FGGY: variants seen among roughly 807,000 people sequenced by gnomAD.
The protein encoded by FGGY is FGGY carbohydrate kinase domain containing, also known as FGGY carbohydrate kinase domain-containing protein.
Under a neutral mutation model 71.3 loss-of-function variants are expected in FGGY, and 72 were observed. That is an observed-to-expected ratio of 1.01 (90% CI 0.84 to 1.23). The LOEUF is 1.23. Ranked by LOEUF, FGGY falls within the 50% of genes most tolerant of loss-of-function variation. The probability of loss-of-function intolerance (pLI) is 0.00; values close to 1 mark genes in which losing one functional copy is unlikely to be tolerated. For synonymous variants in FGGY, 251 were observed against 250.3 expected (o/e 1.00, Z -0.02); for missense variants, 668 against 682.3 (o/e 0.98, Z 0.23).
intron 7 of FGGY, among the ~76,000 whole-genome samples, chr1:59,519,269 G>T (rs1328520943): frequency 1.3e-5 from 2 of 151,978 alleles, no homozygotes; most frequent in Non-Finnish European, 2.9e-5. Context: ...AACAAATTTT[G>T]AAAAAGGAAA....
intron 14 of FGGY, among the ~76,000 whole-genome samples, chr1:59,726,740 C>T (rs968251129): frequency 3.9e-5 from 6 of 151,994 alleles, no homozygotes; most frequent in Admixed American, 2.6e-4. Flanking sequence ...CTCTTTTTAT[C>T]TTGATTACCC....
chr1:59,660,157 T>C, intron 11 of FGGY, 62 bp from the exon 12 acceptor site: 3 of 1,428,374 alleles, frequency 2.1e-6, no homozygotes, highest in Non-Finnish European at 3.0e-6. Flanking sequence ...TCATGGGAAC[T>C]ATCTTTATCC....
intron 6 of FGGY, among the ~76,000 whole-genome samples, chr1:59,497,537 G>A (rs1419074732): frequency 1.3e-5 from 2 of 152,166 alleles, no homozygotes; most frequent in African/African-American, 2.4e-5. Context: ...GCAGTAAGCC[G>A]AGATCATGCC....
intron 4 of FGGY, among the ~76,000 whole-genome samples, chr1:59,349,824 A>G (rs1370369568): frequency 6.6e-6 from 1 of 152,120 alleles, no homozygotes; most frequent in Non-Finnish European, 1.5e-5. Flanking sequence ...TCAGACTTCA[A>G]TGTGTAAATG....
intron 5 of FGGY, among the ~76,000 whole-genome samples, chr1:59,411,701 C>T (rs144107489): frequency 1.3e-5 from 2 of 152,172 alleles, no homozygotes; most frequent in South Asian, 2.1e-4. Context: ...TATGTACTTA[C>T]AAATTCTTAT....
intron 8 of FGGY, among the ~76,000 whole-genome samples, chr1:59,605,813 C>G (rs1180394699): frequency 6.6e-6 from 1 of 152,136 alleles, no homozygotes; most frequent in Non-Finnish European, 1.5e-5. Context: ...CTAGTAATCA[C>G]TTCTGTATCC....
At chr1:59,536,106 A>G (rs1303708243) in intron 7 of FGGY, among the ~76,000 whole-genome samples, 3 of 151,758 alleles carry the variant, frequency 2.0e-5, no homozygotes, top group Non-Finnish European at 4.4e-5. Context: ...AAGGAAAAAA[A>G]TAAGAATCAA....
intron 7 of FGGY, among the ~76,000 whole-genome samples, chr1:59,530,697 A>G (rs558984552): frequency 2.2e-4 from 33 of 152,286 alleles, no homozygotes; most frequent in African/African-American, 7.9e-4. Flanking sequence ...AGGGAAGCAG[A>G]GGGAGGTAGT....
intron 5 of FGGY, among the ~76,000 whole-genome samples, chr1:59,448,239 T>A (rs2071779083): frequency 6.6e-6 from 1 of 152,216 alleles, no homozygotes; most frequent in South Asian, 2.1e-4. Context: ...ACAACCATTT[T>A]GTTGGAATTT....
chr1:59,732,554 A>G (rs932228979), intron 14 of FGGY, among the ~76,000 whole-genome samples: 20 of 152,066 alleles, frequency 1.3e-4, no homozygotes, highest in Non-Finnish European at 5.9e-5. Flanking sequence ...AAGTCTGTCT[A>G]TGTTGTGGCA....
rs771392003 is a variant in FGGY, at chr1:59,757,974, C to T, written c.1556C>T (p.Pro519Leu). The change falls in exon 15 of 16, where the codon CCG (proline) becomes CTG (leucine). Residue 519 changes from proline (P) to leucine (L), a missense_variant. Coordinates refer to ENST00000303721, the MANE Select transcript of FGGY (RefSeq NM_018291.5). ...AGCAAAGTTGGGAAAGTTGTGTTCC[C>T]GAGACTACAGGATAAAAAGTAAGTG... ...KMSKVGKVVFPRLQDKKYYDK... is the reference protein window; with the variant it reads ...KMSKVGKVVFLRLQDKKYYDK... 3.0e-5 allele frequency: 48 copies of T among 1,612,236 alleles called. No individual in the cohort carries two copies. The highest frequency in any genetic ancestry group is 8.0e-5 in the African/African-American group (6 of 74,834).
chr1:59,360,631 C>T (rs1316055877), intron 4 of FGGY, among the ~76,000 whole-genome samples: 2 of 152,052 alleles, frequency 1.3e-5, no homozygotes, highest in East Asian at 3.8e-4. Flanking sequence ...TGATAAATTG[C>T]AGAATGCTGG....
rs868633891 is a variant in FGGY at position 59,585,048 on chromosome 1, T to C, written c.904-22755T>C. The stretch of plus-strand genomic sequence containing the variant: ...TACCAATAAATGGAAGAACATTCCA[T>C]GCTCATGGGTAGGAAGAATCAATAT... On this transcript the variant is annotated intron_variant, in intron 8 of 15. Coordinates refer to ENST00000303721, the MANE Select transcript of FGGY (RefSeq NM_018291.5). 3.3e-5 allele frequency among the ~76,000 whole-genome samples: 5 copies of C among 152,324 alleles called. No homozygotes were observed. The South Asian group carries it at 1.0e-3, about 32-fold the overall frequency.
chr1:59,481,597 G>A lies in FGGY; in HGVS notation c.670+24521G>A, dbSNP rs114028465. On this transcript the variant is annotated intron_variant, in intron 6 of 15. Coordinates refer to ENST00000303721, the MANE Select transcript of FGGY (RefSeq NM_018291.5). ...TTTGTAAAAATGAATCACCTATTTA[G>A]CCTCAGGGTTCTGTTGACTCTTTAG... is the stretch of plus-strand genomic sequence containing the variant. Among the ~76,000 whole-genome samples the A allele has an allele frequency of 3.8e-3, 574 of 152,254 alleles. 3 individuals carry two copies. Among genetic ancestry groups the A allele is most frequent in the African/African-American group, 0.012 (512 of 41,542 alleles).
At chr1:59,431,597 G>T (rs2067372101) in intron 5 of FGGY, among the ~76,000 whole-genome samples, 1 of 152,188 alleles carries the variant, frequency 6.6e-6, no homozygotes. Context: ...GGTAGCTTCT[G>T]CATTGGACTG....
intron 5 of FGGY, among the ~76,000 whole-genome samples, chr1:59,425,551 G>C (rs750869811): frequency 6.6e-6 from 1 of 152,180 alleles, no homozygotes; most frequent in Admixed American, 6.5e-5. Flanking sequence ...TACTCTTCCA[G>C]TGACAAACCG....
rs548488191 is a variant in FGGY, at chr1:59,321,878, C to A, written c.201+128C>A. 2.4e-5 allele frequency: 20 copies of A among 833,994 alleles called. No homozygotes were observed. The East Asian group carries it at 5.1e-4, about 21-fold the overall frequency. The allele number at this position is 833,994 out of a possible 1,614,324, so 51.7% of individuals were successfully genotyped here. A position where few individuals can be genotyped will look rare whatever the true frequency, so the allele number is the denominator to read the frequency against. ...GAGGTAAGCAAGACATAGGCCTTGCCCTTCAGGAGCTCACAGTCTACTGGC... is the reference window on the plus strand; with the variant it reads ...GAGGTAAGCAAGACATAGGCCTTGCACTTCAGGAGCTCACAGTCTACTGGC... On this transcript the variant is annotated intron_variant, in intron 2 of 15. Coordinates refer to ENST00000303721, the MANE Select transcript of FGGY (RefSeq NM_018291.5).
At chr1:59,499,299 G>GTTTTTTTTT (rs58170089) in intron 6 of FGGY, among the ~76,000 whole-genome samples, 3,027 of 105,446 alleles carry the variant, frequency 0.029, 488 homozygotes, top group African/African-American at 0.11. Context: ...TACTATGTTT[G>GTTTTTTTTT]TTTTTTTTTT....
intron 5 of FGGY, among the ~76,000 whole-genome samples, chr1:59,383,626 G>T (rs1050661878): frequency 6.6e-6 from 1 of 152,020 alleles, no homozygotes. Context: ...CATAAGAAAT[G>T]TTTACAGTCT....
Sources: gnomAD v4.1 joint callset for allele counts (sites outside exome capture counted in the v4.1 genomes callset) on GRCh38, gnomAD v4.1.1 for gene constraint, MANE v1.5 for transcripts, NCBI Gene and HGNC (gene_info 2026-07-23, HGNC 2026-07-21) for gene names.